The following ODAD2 variants were observed in gnomAD, a reference collection of about 807,000 sequenced individuals.
ODAD2 encodes outer dynein arm docking complex subunit 2.
ODAD2 carries 89 observed loss-of-function variants against 106.8 expected under a neutral mutation model. That is an observed-to-expected ratio of 0.83 (90% CI 0.70 to 0.99). The LOEUF (loss-of-function observed/expected upper bound fraction) is 0.99. ODAD2 is among the 50% of genes least tolerant of loss of function. The pLI is 0.00. For missense variants in ODAD2, 1,168 were observed against 1,238.5 expected, an observed-to-expected ratio of 0.94 and a Z score of 0.85; for synonymous variants, 404 against 436.2, an observed-to-expected ratio of 0.93 and a Z score of 0.92.
chr10:27,938,891 G>A (rs1028041539), intron 14 of ODAD2, among the ~76,000 whole-genome samples: 3 of 151,996 alleles, frequency 2.0e-5, no homozygotes, highest in African/African-American at 7.2e-5. Context: ...CTGCAGGGCC[G>A]GGTACAGCCC....
intron 17 of ODAD2, among the ~76,000 whole-genome samples, chr10:27,884,375 C>CA (rs1302840286): frequency 3.3e-5 from 5 of 152,162 alleles, no homozygotes; most frequent in African/African-American, 4.8e-5. Flanking sequence ...TGCCAAACCA[C>CA]AAAAAACCCA....
rs568634761 is a variant in ODAD2 at position 27,910,942 on chromosome 10, T to C, written c.2496-3165A>G. Among the ~76,000 whole-genome samples, 3 of 152,298 alleles carry C rather than the reference T, an allele frequency of 2.0e-5. No homozygotes were observed. The East Asian group carries it at 5.8e-4, about 29-fold the overall frequency. On this transcript the variant is annotated intron_variant, in intron 16 of 19. Transcript: ENST00000305242. Reference sequence around the variant, plus strand: ...GAATGTTTTCATCAACCAATCAATATATAACGTTGTTTCACGTGTATTTCT... The same window carrying C: ...GAATGTTTTCATCAACCAATCAATACATAACGTTGTTTCACGTGTATTTCT...
chr10:27,859,168 G>T (rs927299650), intron 19 of ODAD2, among the ~76,000 whole-genome samples: 1 of 151,746 alleles, frequency 6.6e-6, no homozygotes, highest in African/African-American at 2.4e-5. Flanking sequence ...CAGTCATATT[G>T]AGACAATGGC....
chr10:27,939,262 C>T (rs1043620006), intron 14 of ODAD2, among the ~76,000 whole-genome samples: 9 of 152,134 alleles, frequency 5.9e-5, no homozygotes, highest in South Asian at 2.1e-4. Flanking sequence ...ATCTATTTTA[C>T]GCTAAGTACA....
intron 10 of ODAD2, among the ~76,000 whole-genome samples, chr10:27,955,652 T>C (rs1295604792): frequency 2.0e-5 from 3 of 151,092 alleles, no homozygotes; most frequent in African/African-American, 7.3e-5. Flanking sequence ...CAAAAACTCA[T>C]ACAACTTCCA....
intron 14 of ODAD2, 42 bp downstream of exon 14, chr10:27,939,855 G>A: frequency 7.8e-7 from 1 of 1,289,192 alleles, no homozygotes; most frequent in Non-Finnish European, 1.1e-6. Flanking sequence ...CTTAAACTAT[G>A]TGAGAAAGAA....
chr10:27,900,901 T>C (rs1843154026), intron 17 of ODAD2, among the ~76,000 whole-genome samples: 2 of 152,110 alleles, frequency 1.3e-5, no homozygotes, highest in Admixed American at 1.3e-4. Context: ...CAGGATATTA[T>C]CCAGCAGAAC....
In ODAD2 at chr10:27,907,877, T is replaced by G. The variant is rs1363489447; in HGVS notation, c.2496-100A>C. On this transcript the variant is annotated intron_variant, in intron 16 of 19. Transcript: ENST00000305242. Reference sequence around the variant, plus strand: ...TTAATTATTTTTTCTCCTTTTGATATTTTGCTTAGAATTTTTTTTTTTTTT... The same window carrying G: ...TTAATTATTTTTTCTCCTTTTGATAGTTTGCTTAGAATTTTTTTTTTTTTT... 8.0e-6 allele frequency: 7 copies of G among 874,712 alleles called. No homozygotes were observed. In the East Asian group the frequency reaches 1.9e-4, roughly 23 times the overall value. 54.2% of individuals were successfully genotyped at this position (874,712 alleles called of 1,614,324 possible). A position where few individuals can be genotyped will look rare whatever the true frequency, so the allele number is the denominator to read the frequency against.
At chr10:27,839,992 T>C (rs1267755859) in intron 19 of ODAD2, among the ~76,000 whole-genome samples, 6 of 152,236 alleles carry the variant, frequency 3.9e-5, no homozygotes, top group African/African-American at 7.2e-5. Context: ...AAAAATATTA[T>C]AAATAATTAC....
intron 2 of ODAD2, among the ~76,000 whole-genome samples, chr10:27,987,824 C>T (rs1322665491): frequency 1.3e-5 from 2 of 150,744 alleles, no homozygotes; most frequent in South Asian, 2.1e-4. Context: ...CTCAAATAGT[C>T]ACAGTTTTTG....
chr10:27,818,993 A>T (rs542739498), intron 19 of ODAD2, among the ~76,000 whole-genome samples: 1 of 152,338 alleles, frequency 6.6e-6, no homozygotes, highest in South Asian at 2.1e-4. Flanking sequence ...CAACCTTCTC[A>T]TATGTGTAAA....
At chr10:27,936,629 A>C in intron 15 of ODAD2, 97 bp downstream of exon 15, 3 of 1,303,150 alleles carry the variant, frequency 2.3e-6, no homozygotes, top group Non-Finnish European at 3.3e-6. Context: ...TCTACAACTA[A>C]CATTAGAATT....
Position 27,907,783 on chromosome 10 carries a change from G to T in ODAD2, c.2496-6C>A. The stretch of plus-strand genomic sequence containing the variant: ...CATCTAAGCGATCAATTATCCTATC[G>T]TGGAACCCAAAATCATGATATAAAC... On this transcript the variant is annotated splice_polypyrimidine_tract_variant and splice_region_variant and intron_variant, in intron 16 of 19. Transcript: ENST00000305242. 1 of 1,589,308 alleles carries T rather than the reference G, an allele frequency of 6.3e-7. No individual in the cohort carries two copies. The highest frequency in any genetic ancestry group is 8.6e-7 in the Non-Finnish European group (1 of 1,157,972).
chr10:27,854,340 C>T (rs2133256997), intron 19 of ODAD2, among the ~76,000 whole-genome samples: 1 of 152,236 alleles, frequency 6.6e-6, no homozygotes, highest in South Asian at 2.1e-4. Flanking sequence ...TATGATCCAG[C>T]CATTCACTCC....
At chr10:27,997,100 CA>C (rs1850600786) in intron 1 of ODAD2, among the ~76,000 whole-genome samples, 1 of 152,128 alleles carries the variant, frequency 6.6e-6, no homozygotes, top group Admixed American at 6.5e-5. Context: ...CTGATCCAGA[CA>C]TATATACCAA....
chr10:27,827,692 C>T (rs764380957), intron 19 of ODAD2, among the ~76,000 whole-genome samples: 4 of 152,070 alleles, frequency 2.6e-5, no homozygotes, highest in East Asian at 3.9e-4. Context: ...TCTCCCTGGA[C>T]GACTGCCTAA....
chr10:27,845,632 G>A (rs1373337504), intron 19 of ODAD2, among the ~76,000 whole-genome samples: 2 of 152,154 alleles, frequency 1.3e-5, no homozygotes, highest in African/African-American at 4.8e-5. Context: ...CTGACAAATT[G>A]GATGAAGAGT....
At chr10:27,903,886 C>T (rs747052558) in intron 17 of ODAD2, among the ~76,000 whole-genome samples, 1 of 152,166 alleles carries the variant, frequency 6.6e-6, no homozygotes, top group Non-Finnish European at 1.5e-5. Context: ...AGGGTGTCCA[C>T]CAACCAGGGA....
At chr10:27,947,209 T>A (rs1846998967) in intron 10 of ODAD2, among the ~76,000 whole-genome samples, 1 of 152,176 alleles carries the variant, frequency 6.6e-6, no homozygotes, top group South Asian at 2.1e-4. Flanking sequence ...ACTGTCAGGT[T>A]CATAAACCCC....
Sources: allele counts gnomAD v4.1 joint callset (sites outside exome capture counted in the v4.1 genomes callset), GRCh38; gene constraint gnomAD v4.1.1; transcripts MANE v1.5; gene names NCBI Gene and HGNC (gene_info 2026-07-23, HGNC 2026-07-21).